Variants in TRIM56 observed in about 807,000 individuals in gnomAD.
The protein encoded by TRIM56 is tripartite motif containing 56, also known as E3 ubiquitin-protein ligase TRIM56.
A neutral mutation model predicts 17.1 loss-of-function variants in TRIM56; 10 were observed. That is an observed-to-expected ratio of 0.58 (90% CI 0.36 to 0.99). TRIM56 has a LOEUF of 0.99. Among genes scored for constraint, TRIM56 ranks in the 50% least tolerant of loss-of-function variants. The pLI is 0.01. For missense variants in TRIM56, 923 were observed against 1,052.3 expected (o/e 0.88, Z 1.70); for synonymous variants, 503 against 473.5 (o/e 1.06, Z -0.81).
rs1268467194 is a variant in TRIM56, at chr7:101,091,737, GAAAAA to G, written c.*2158_*2162del. 4.5e-6 allele frequency: 2 copies of G among 441,612 alleles called. No individual in the cohort carries two copies. The highest frequency in any genetic ancestry group is 8.9e-6 in the Non-Finnish European group (2 of 224,590). 27.4% of individuals were successfully genotyped at this position (441,612 alleles called of 1,614,324 possible). On this transcript the variant is annotated 3_prime_UTR_variant, in exon 3 of 3. Transcript: ENST00000306085. ...AATGAAACTCCATCTCAAAAAAAAA[GAAAAA>G]GAAAAGAAAGAAAACCAAGGTCCCT...
rs1293566113 is a variant in TRIM56 at position 101,089,135 on chromosome 7, C to T, written c.1823C>T (p.Ala608Val). ...GGGGACCGCGTGGCTGTCAGCGTGG[C>T]GGGCCACGTGGAGGTGTACAATATG... ...PSGDRVAVSV[A>V]GHVEVYNMEG... Residue 608 changes from alanine to valine, a missense_variant, in exon 3 of 3, where the codon GCG becomes GTG. By Grantham distance (64) the Ala-to-Val change is moderately conservative (BLOSUM62 0). Coordinates refer to ENST00000306085, the MANE Select transcript of TRIM56 (RefSeq NM_030961.3). The T allele has an allele frequency of 4.4e-6, 7 of 1,607,364 alleles. No individual in the cohort carries two copies. Among genetic ancestry groups the T allele is most frequent in the South Asian group, 1.1e-5 (1 of 90,904 alleles).
At position 101,091,190 on chromosome 7, in the gene TRIM56, G is replaced by A. The variant is rs371903881; in HGVS notation, c.*1610G>A. 2.4e-4 allele frequency: 36 copies of A among 152,506 alleles called. No individual in the cohort carries two copies. The highest frequency in any genetic ancestry group is 7.9e-4 in the African/African-American group (33 of 41,586). The allele number at this position is 152,506 out of a possible 1,614,324, so 9.4% of individuals were successfully genotyped here. A position where few individuals can be genotyped will look rare whatever the true frequency, so the allele number is the denominator to read the frequency against. ...TGTTTTTAGCCAGGGGCTGTTGAGA[G>A]ATGGCAGAAGGGGGTCTTAATGTGG... is the stretch of plus-strand genomic sequence containing the variant. On this transcript the variant is annotated 3_prime_UTR_variant, in exon 3 of 3. Coordinates refer to ENST00000306085, the MANE Select transcript of TRIM56 (RefSeq NM_030961.3).
rs1795543151 is a variant in TRIM56, at chr7:101,090,555, T to C, written c.*975T>C. The C allele has an allele frequency of 6.7e-6, 1 of 148,288 alleles. No individual in the cohort carries two copies. Among genetic ancestry groups the C allele is most frequent in the Non-Finnish European group, 1.5e-5 (1 of 67,460 alleles). The allele number at this position is 148,288 out of a possible 1,614,324, so 9.2% of individuals were successfully genotyped here. On this transcript the variant is annotated 3_prime_UTR_variant, in exon 3 of 3. Coordinates refer to ENST00000306085, the MANE Select transcript of TRIM56 (RefSeq NM_030961.3). ...GGGAGGATCCCTTGAGCCGAGGAGT[T>C]TGAGTCTGCAGTGAGCTATGATCGC...
Position 101,087,462 on chromosome 7 carries a change from T to C in TRIM56, c.150T>C (p.Asp50=), listed in dbSNP as rs2116527151. Residue 50 remains aspartate, a synonymous_variant, in exon 3 of 3, where the codon GAT becomes GAC. Coordinates refer to ENST00000306085, the MANE Select transcript of TRIM56 (RefSeq NM_030961.3). ...AAGACTGCCTGGCACAGCTGGCGGA[T>C]GGCGGCCGCGTCCGCTGCCCCGAGT... is the stretch of plus-strand genomic sequence containing the variant. The part of the protein sequence containing the change: ...YCQDCLAQLA[D]GGRVRCPECR... 1 of 1,613,356 alleles carries C rather than the reference T, an allele frequency of 6.2e-7. No homozygotes were observed. Among genetic ancestry groups the C allele is most frequent in the Middle Eastern group, 1.6e-4 (1 of 6,062 alleles).
Position 101,087,088 on chromosome 7 carries a change from G to A in TRIM56, c.-82G>A. On this transcript the variant is annotated 5_prime_UTR_variant, in exon 2 of 3. Coordinates refer to ENST00000306085, the MANE Select transcript of TRIM56 (RefSeq NM_030961.3). ...ACACGGAAGTGGAGGAGGAGGAGGA[G>A]AAGGAGGAGGGCAGCTCCTTAGCTC... 5.3e-6 allele frequency: 3 copies of A among 564,026 alleles called. No homozygotes were observed. The highest frequency in any genetic ancestry group is 3.1e-6 in the Non-Finnish European group (1 of 319,030). 34.9% of individuals were successfully genotyped at this position (564,026 alleles called of 1,614,324 possible). A position where few individuals can be genotyped will look rare whatever the true frequency, so the allele number is the denominator to read the frequency against.
rs751182100 is a variant in TRIM56, at chr7:101,089,363, T to A, written c.2051T>A (p.Val684Glu). 1.2e-6 allele frequency: 2 copies of A among 1,611,014 alleles called. No individual in the cohort carries two copies. The highest frequency in any genetic ancestry group is 1.7e-6 in the Non-Finnish European group (2 of 1,177,624). Residue 684 changes from valine (V) to glutamate (E), a missense_variant, in exon 3 of 3, where the codon GTG (valine) becomes GAG (glutamate). Around this residue, in one of 3 missense-constraint regions of TRIM56, gnomAD observed 182 missense variants for 243.1 expected, o/e 0.75. Coordinates refer to ENST00000306085, the MANE Select transcript of TRIM56 (RefSeq NM_030961.3). ...CTGCATGGCTGCCAGCCGGGCTCCGTGTCTGTGGATAAGAAGGGCTACATC... is the reference window on the plus strand; with the variant it reads ...CTGCATGGCTGCCAGCCGGGCTCCGAGTCTGTGGATAAGAAGGGCTACATC... ...PGLHGCQPGS[V>E]SVDKKGYIFL...
At position 101,088,673 on chromosome 7, in the gene TRIM56, G is replaced by C. The variant is rs775928607; in HGVS notation, c.1361G>C (p.Gly454Ala). The change falls in exon 3 of 3, where the codon GGT becomes GCT. Residue 454 changes from glycine to alanine, a missense_variant. Transcript: ENST00000306085. ...HEDGGPQPHR[G>A]GRPNKKKKFK... The stretch of plus-strand genomic sequence containing the variant: ...GATGGAGGACCCCAGCCCCACAGGG[G>C]TGGCAGACCCAACAAGAAGAAAAAG... The C allele has an allele frequency of 3.1e-6, 5 of 1,614,058 alleles. No homozygotes were observed. In the South Asian group the frequency reaches 3.3e-5, roughly 11 times the overall value.
rs777774895 is a variant in TRIM56, at chr7:101,088,864, C to G, written c.1552C>G (p.Pro518Ala). The G allele has an allele frequency of 3.7e-6, 6 of 1,613,852 alleles. No individual in the cohort carries two copies. Among genetic ancestry groups the G allele is most frequent in the Non-Finnish European group, 5.1e-6 (6 of 1,180,022 alleles). ...PRITGLCPFGPREILVADEQN... is the reference protein window; with the variant it reads ...PRITGLCPFGAREILVADEQN... ...GATCACCGGGCTCTGTCCCTTCGGT[C>G]CCCGGGAGATCCTGGTGGCGGATGA... Residue 518 changes from proline to alanine, a missense_variant, in exon 3 of 3, where the codon CCC becomes GCC. This residue lies in a region of TRIM56 where 643 missense variants were observed against 665.6 expected (regional missense o/e 0.97). Transcript: ENST00000306085.
chr7:101,086,254 T>A (rs1199266800), intron 1 of TRIM56, among the ~76,000 whole-genome samples: 1 of 151,786 alleles, frequency 6.6e-6, no homozygotes, highest in Non-Finnish European at 1.5e-5. Flanking sequence ...AAAGTGATAA[T>A]TTTTAAAAAA....
rs949218412 is a variant in TRIM56 at position 101,087,701 on chromosome 7, C to G, written c.389C>G (p.Ala130Gly). The change falls in exon 3 of 3, where the codon GCC (alanine) becomes GGC (glycine). Residue 130 changes from alanine to glycine, a missense_variant. Physicochemically the swap from Ala to Gly is moderately conservative, Grantham distance 60. Transcript: ENST00000306085. ...CLDCADDLCQACADGHRCTRQ... is the reference protein window; with the variant it reads ...CLDCADDLCQGCADGHRCTRQ... ...GACTGTGCCGATGACTTGTGCCAGGCCTGTGCCGACGGGCACCGCTGCACC... is the reference window on the plus strand; with the variant it reads ...GACTGTGCCGATGACTTGTGCCAGGGCTGTGCCGACGGGCACCGCTGCACC... 6.3e-7 allele frequency: 1 copy of G among 1,588,158 alleles called. No individual in the cohort carries two copies. The highest frequency in any genetic ancestry group is 1.7e-5 in the Admixed American group (1 of 57,812).
rs1279561631 is a variant in TRIM56, at chr7:101,095,162, C to T, written c.*5582C>T. 1 of 151,968 alleles carries T rather than the reference C, an allele frequency of 6.6e-6. No homozygotes were observed. Among genetic ancestry groups the T allele is most frequent in the Non-Finnish European group, 1.5e-5 (1 of 68,164 alleles). 9.4% of individuals were successfully genotyped at this position (151,968 alleles called of 1,614,324 possible). ...GCCAAGGCGGGAGGATGTCTTGAGG[C>T]CAGGAGTTCAAGACTAGGCTGGGCA... On this transcript the variant is annotated 3_prime_UTR_variant, in exon 3 of 3. Coordinates refer to ENST00000306085, the MANE Select transcript of TRIM56 (RefSeq NM_030961.3).
Position 101,089,169 on chromosome 7 carries a change from C to G in TRIM56, c.1857C>G (p.Ser619Arg). 1 of 1,612,168 alleles carries G rather than the reference C, an allele frequency of 6.2e-7. No homozygotes were observed. The highest frequency in any genetic ancestry group is 1.1e-5 in the South Asian group (1 of 91,042). Residue 619 changes from serine (S) to arginine (R), a missense_variant, in exon 3 of 3, where the codon AGC becomes AGG. By Grantham distance (110) the Ser-to-Arg change is moderately radical. Transcript: ENST00000306085. ...TGGAGGTGTACAATATGGAAGGCAG[C>G]CTGGCCACCCGGTTCATTCCTGGAG... ...GHVEVYNMEGSLATRFIPGGK... is the reference protein window; with the variant it reads ...GHVEVYNMEGRLATRFIPGGK...
Position 101,088,204 on chromosome 7 carries a change from C to T in TRIM56, c.892C>T (p.Arg298Trp), listed in dbSNP as rs780366201. ...GGAGAGGCTGGCGGAGCTTGAGGGC[C>T]GGGAGCAGGTGGCCAGGGCCGCAGC... ...ARERLAELEG[R>W]EQVARAAAAF... The change falls in exon 3 of 3, where the codon CGG becomes TGG. Residue 298 changes from arginine to tryptophan, a missense_variant. By Grantham distance (101) the Arg-to-Trp change is moderately radical (BLOSUM62 -3). This residue lies in a region of TRIM56 where 643 missense variants were observed against 665.6 expected (regional missense o/e 0.97). Coordinates refer to ENST00000306085, the MANE Select transcript of TRIM56 (RefSeq NM_030961.3). 3.8e-5 allele frequency: 56 copies of T among 1,472,744 alleles called. No individual in the cohort carries two copies. In the Middle Eastern group the frequency reaches 6.2e-4, roughly 16 times the overall value. 91.2% of individuals were successfully genotyped at this position (1,472,744 alleles called of 1,614,324 possible). A position where few individuals can be genotyped will look rare whatever the true frequency, so the allele number is the denominator to read the frequency against.
In TRIM56 at chr7:101,091,766, C is replaced by G; in HGVS notation, c.*2186C>G. 2.3e-6 allele frequency: 1 copy of G among 442,662 alleles called. No individual in the cohort carries two copies. The highest frequency in any genetic ancestry group is 1.6e-5 in the South Asian group (1 of 63,278). 27.4% of individuals were successfully genotyped at this position (442,662 alleles called of 1,614,324 possible). On this transcript the variant is annotated 3_prime_UTR_variant, in exon 3 of 3. Transcript: ENST00000306085. ...AAGAAAAGAAAGAAAACCAAGGTCC[C>G]TCTCCCTCTCCCTCTCCCCACGGTC...
In TRIM56 at chr7:101,088,012, C is replaced by G. The variant is rs757998533; in HGVS notation, c.700C>G (p.Arg234Gly). ...DNNLVELEAA[R>G]RVEKEALARL... Reference sequence around the variant, plus strand: ...TAACCTGGTGGAGCTGGAGGCAGCGCGGAGGGTGGAGAAGGAGGCGCTAGC... The same window carrying G: ...TAACCTGGTGGAGCTGGAGGCAGCGGGGAGGGTGGAGAAGGAGGCGCTAGC... The change falls in exon 3 of 3, where the codon CGG becomes GGG. Residue 234 changes from arginine (R) to glycine (G), a missense_variant. Physicochemically the swap from Arg to Gly is moderately radical, Grantham distance 125. This residue lies in a region of TRIM56 where 643 missense variants were observed against 665.6 expected (regional missense o/e 0.97). Transcript: ENST00000306085. 1 of 1,575,146 alleles carries G rather than the reference C, an allele frequency of 6.3e-7. No individual in the cohort carries two copies. Among genetic ancestry groups the G allele is most frequent in the African/African-American group, 1.3e-5 (1 of 74,628 alleles).
rs370885789 is a variant in TRIM56, at chr7:101,089,533, A to G, written c.2221A>G (p.Ser741Gly). Residue 741 changes from serine (S) to glycine (G), a missense_variant, in exon 3 of 3, where the codon AGT becomes GGT. Physicochemically the swap from Ser to Gly is moderately conservative, Grantham distance 56. Transcript: ENST00000306085. ...TGGCAGGTACCTGGTCGTGTCCCTC[A>G]GTAACGGGACCATCCACATCTTTCG... is the stretch of plus-strand genomic sequence containing the variant. Reference protein sequence around the residue: ...VDGRYLVVSLSNGTIHIFRVR... With the variant: ...VDGRYLVVSLGNGTIHIFRVR... 3 of 1,614,062 alleles carry G rather than the reference A, an allele frequency of 1.9e-6. No individual in the cohort carries two copies. The African/African-American group carries it at 4.0e-5, about 22-fold the overall frequency.
In TRIM56 at chr7:101,088,284, G is replaced by A; in HGVS notation, c.972G>A (p.Leu324=). Residue 324 remains leucine, a synonymous_variant, in exon 3 of 3, where the codon CTG becomes CTA. Transcript: ENST00000306085. ...SLGREAEILS[L]EGAIAQRLRQ... The stretch of plus-strand genomic sequence containing the variant: ...GGCGAGAGGCCGAGATCCTCTCCCT[G>A]GAAGGGGCGATCGCACAGCGGCTCA... The A allele has an allele frequency of 6.6e-7, 1 of 1,521,104 alleles. No homozygotes were observed. The highest frequency in any genetic ancestry group is 8.8e-7 in the Non-Finnish European group (1 of 1,140,146). The allele number at this position is 1,521,104 out of a possible 1,614,324, so 94.2% of individuals were successfully genotyped here. A position where few individuals can be genotyped will look rare whatever the true frequency, so the allele number is the denominator to read the frequency against.
rs1795547788 is a variant in TRIM56, at chr7:101,090,683, TTAAAATAAA to T, written c.*1108_*1116del. 1 of 95,926 alleles carries T rather than the reference TTAAAATAAA, an allele frequency of 1.0e-5. No individual in the cohort carries two copies. Among genetic ancestry groups the T allele is most frequent in the South Asian group, 3.6e-4 (1 of 2,816 alleles). 5.9% of individuals were successfully genotyped at this position (95,926 alleles called of 1,614,324 possible). On this transcript the variant is annotated 3_prime_UTR_variant, in exon 3 of 3. Coordinates refer to ENST00000306085, the MANE Select transcript of TRIM56 (RefSeq NM_030961.3). ...ATCACTTCTCAGCTAAGATCAAGTG[TTAAAATAAA>T]TAAATAAATAAATAAATAAATAAAT...
Position 101,092,637 on chromosome 7 carries a change from CCGCCCGGCCAGCCGCGCCT to C in TRIM56, c.*3058_*3076del, listed in dbSNP as rs1795591623. ...CGGGAGGGAGGTGGGGGGTCAGCCC[CCGCCCGGCCAGCCGCGCCT>C]TCCGGGAGGGAGGTGGGGGATCAGT... On this transcript the variant is annotated 3_prime_UTR_variant, in exon 3 of 3. Coordinates refer to ENST00000306085, the MANE Select transcript of TRIM56 (RefSeq NM_030961.3). 8.7e-6 allele frequency: 1 copy of C among 115,454 alleles called. No individual in the cohort carries two copies. Among genetic ancestry groups the C allele is most frequent in the African/African-American group, 5.7e-5 (1 of 17,648 alleles). 7.2% of individuals were successfully genotyped at this position (115,454 alleles called of 1,614,324 possible).
Sources: allele counts gnomAD v4.1 joint callset (sites outside exome capture counted in the v4.1 genomes callset), GRCh38; gene constraint gnomAD v4.1.1; regional missense constraint gnomAD v4.1.1; transcripts MANE v1.5; gene names NCBI Gene and HGNC (gene_info 2026-07-23, HGNC 2026-07-21).